The following GPC5 variants were observed in gnomAD, a reference collection of about 807,000 sequenced individuals.
GPC5 encodes glypican-5.
GPC5 carries 47 observed loss-of-function variants against 53.9 expected under a neutral mutation model. The observed-to-expected ratio is 0.87, with a 90% CI of 0.69 to 1.11. The LOEUF is 1.11. Ranked by LOEUF, GPC5 falls within the 50% of genes most tolerant of loss-of-function variation. The pLI is 0.00. For missense variants in GPC5, 748 were observed against 713.1 expected, an observed-to-expected ratio of 1.05 and a Z score of -0.56; for synonymous variants, 286 against 263.3, an observed-to-expected ratio of 1.09 and a Z score of -0.84.
intron 6 of GPC5, among the ~76,000 whole-genome samples, chr13:92,056,207 G>T (rs967157847): frequency 1.6e-4 from 25 of 152,110 alleles, no homozygotes; most frequent in Admixed American, 3.3e-4. Context: ...TTATTCAGCT[G>T]CTAGCAACTG....
intron 2 of GPC5, among the ~76,000 whole-genome samples, chr13:91,688,768 T>G (rs1276279106): frequency 6.6e-6 from 1 of 152,160 alleles, no homozygotes; most frequent in Non-Finnish European, 1.5e-5. Flanking sequence ...TCATCGCTCC[T>G]AGGCTACAAA....
intron 6 of GPC5, among the ~76,000 whole-genome samples, chr13:92,129,040 G>A (rs1323042069): frequency 6.6e-6 from 1 of 152,098 alleles, no homozygotes; most frequent in African/African-American, 2.4e-5. Flanking sequence ...AAGGGAGAGA[G>A]CCTGCCTCAA....
At chr13:92,361,537 G>T (rs565676623) in intron 7 of GPC5, among the ~76,000 whole-genome samples, 5 of 151,684 alleles carry the variant, frequency 3.3e-5, no homozygotes, top group Non-Finnish European at 4.4e-5. Context: ...GGTAAGAAAG[G>T]TTTTTCTGTT....
intron 6 of GPC5, among the ~76,000 whole-genome samples, chr13:91,926,408 A>G (rs1012964047): frequency 6.6e-6 from 1 of 151,880 alleles, no homozygotes; most frequent in African/African-American, 2.4e-5. Context: ...GAGTATATTA[A>G]TAAGCATTTT....
chr13:92,433,793 TA>T (rs1877192758), intron 7 of GPC5, among the ~76,000 whole-genome samples: 1 of 152,002 alleles, frequency 6.6e-6, no homozygotes, highest in South Asian at 2.1e-4. Flanking sequence ...TTGGAAAAAG[TA>T]AGAGAAAGAA....
chr13:92,398,428 C>CAAAAAAAAAAAAAAAA lies in GPC5; in HGVS notation c.1561+253446_1561+253461dup, dbSNP rs35873316. ...TGGGCGACAGAGCGAGACTCCGTCT[C>CAAAAAAAAAAAAAAAA]AAAAAAAAAAAAAAAAAAAAAATTA... On this transcript the variant is annotated intron_variant, in intron 7 of 7. Coordinates refer to ENST00000377067, the MANE Select transcript of GPC5 (RefSeq NM_004466.6). 1.5e-3 allele frequency among the ~76,000 whole-genome samples: 135 copies of CAAAAAAAAAAAAAAAA among 87,586 alleles called. 1 individual carries two copies. The highest frequency in any genetic ancestry group is 6.0e-3 in the Middle Eastern group (1 of 168). 57.5% of individuals were successfully genotyped at this position (87,586 alleles called of 152,430 possible).
chr13:92,033,030 T>C (rs1413272807), intron 6 of GPC5, among the ~76,000 whole-genome samples: 2 of 137,830 alleles, frequency 1.5e-5, no homozygotes, highest in Non-Finnish European at 3.1e-5. Context: ...CCGGGCTAGT[T>C]ATTGTCGTGT....
chr13:92,526,480 G>C (rs1393308759), intron 7 of GPC5, among the ~76,000 whole-genome samples: 2 of 152,018 alleles, frequency 1.3e-5, no homozygotes, highest in African/African-American at 2.4e-5. Context: ...CATGAGAAAA[G>C]TCAGACAGGA....
chr13:92,841,818 C>T (rs762292288), intron 7 of GPC5, among the ~76,000 whole-genome samples: 2 of 152,156 alleles, frequency 1.3e-5, no homozygotes, highest in African/African-American at 2.4e-5. Flanking sequence ...TTGTGTAAAA[C>T]GTTGAGTCAA....
intron 7 of GPC5, among the ~76,000 whole-genome samples, chr13:92,598,930 A>T (rs1266918513): frequency 6.6e-6 from 1 of 152,182 alleles, no homozygotes; most frequent in Non-Finnish European, 1.5e-5. Flanking sequence ...TGTCTGAAAC[A>T]AACAAACAAA....
chr13:91,899,346 C>T lies in GPC5; in HGVS notation c.1281-8591C>T, dbSNP rs186929976. Among the ~76,000 whole-genome samples the T allele has an allele frequency of 1.5e-3, 229 of 151,938 alleles. 1 individual carries two copies. In the Middle Eastern group the frequency reaches 0.051, roughly 34 times the overall value. On this transcript the variant is annotated intron_variant, in intron 5 of 7. Transcript: ENST00000377067. ...AGCTAATTATTTTTCTTGTGGCCAA[C>T]TGAATTAGAGTAAAAACATAAAAGT...
At chr13:91,866,163 C>T (rs546038826) in intron 5 of GPC5, among the ~76,000 whole-genome samples, 3 of 152,238 alleles carry the variant, frequency 2.0e-5, no homozygotes, top group East Asian at 1.9e-4. Context: ...CTACTGTGCT[C>T]GGCCATGAAT....
chr13:91,676,492 G>T (rs1355320494), intron 2 of GPC5, among the ~76,000 whole-genome samples: 3 of 152,152 alleles, frequency 2.0e-5, no homozygotes, highest in Non-Finnish European at 4.4e-5. Context: ...TTTAATACAG[G>T]TTGAAAGCTA....
intron 7 of GPC5, among the ~76,000 whole-genome samples, chr13:92,557,524 AT>A (rs1490034960): frequency 6.6e-6 from 1 of 152,006 alleles, no homozygotes; most frequent in Non-Finnish European, 1.5e-5. Context: ...CCCCTGGCAT[AT>A]TTTCAAACAC....
At chr13:92,448,182 G>T (rs1231392507) in intron 7 of GPC5, 1 of 151,952 alleles carries the variant, frequency 6.6e-6, no homozygotes, top group Non-Finnish European at 1.5e-5. Context: ...AATATTTTAA[G>T]ATTAAAAAAG....
At chr13:91,426,410 T>C (rs1879052695) in intron 1 of GPC5, among the ~76,000 whole-genome samples, 1 of 152,058 alleles carries the variant, frequency 6.6e-6, no homozygotes. Context: ...ATAGGAGAGA[T>C]GTATATATAA....
Position 91,575,764 on chromosome 13 carries a change from C to T in GPC5, c.326-117423C>T, listed in dbSNP as rs781643822. Among the ~76,000 whole-genome samples the T allele has an allele frequency of 1.6e-4, 24 of 151,980 alleles. 1 individual carries two copies. The highest frequency in any genetic ancestry group is 2.6e-4 in the Admixed American group (4 of 15,254). ...AAGATGAGAAAATTGAGTCTTTTTC[C>T]CATTGCTAATAATTTAAGTAAAGCG... On this transcript the variant is annotated intron_variant, in intron 2 of 7. Transcript: ENST00000377067.
chr13:92,573,129 C>A (rs1883084157), intron 7 of GPC5, among the ~76,000 whole-genome samples: 1 of 152,076 alleles, frequency 6.6e-6, no homozygotes, highest in Admixed American at 6.6e-5. Flanking sequence ...GACATTAATC[C>A]AGGTAGACCA....
intron 7 of GPC5, among the ~76,000 whole-genome samples, chr13:92,784,029 T>C (rs1295635313): frequency 6.6e-6 from 1 of 152,160 alleles, no homozygotes; most frequent in African/African-American, 2.4e-5. Flanking sequence ...AGTTAAAGAA[T>C]TTGAGACAAA....
Sources: allele counts gnomAD v4.1 joint callset (sites outside exome capture counted in the v4.1 genomes callset), GRCh38; gene constraint gnomAD v4.1.1; transcripts MANE v1.5; gene names NCBI Gene and HGNC (gene_info 2026-07-23, HGNC 2026-07-21).